Variants in DCDC2C observed in about 807,000 individuals in gnomAD.
DCDC2C encodes doublecortin domain containing 2C, also known as doublecortin domain-containing protein 2C.
Under a neutral mutation model 45.0 loss-of-function variants are expected in DCDC2C, and 44 were observed. That is an observed-to-expected ratio of 0.98 (90% CI 0.77 to 1.26). DCDC2C has a LOEUF of 1.26. DCDC2C is among the 50% of genes most tolerant of loss of function. The pLI is 0.00. For missense variants in DCDC2C, 447 were observed against 468.9 expected (o/e 0.95, Z 0.43); for synonymous variants, 187 against 178.8 (o/e 1.05, Z -0.37).
rs115362387 is a variant in DCDC2C, at chr2:3,807,097, C to T, written c.1065+21997C>T. Among the ~76,000 whole-genome samples, 1,051 of 147,974 alleles carry T rather than the reference C, an allele frequency of 7.1e-3. 8 individuals are homozygous for T. The highest frequency in any genetic ancestry group is 0.025 in the African/African-American group (994 of 39,816). ...TTCAGAAAGCTATTTTTTTTTTTAA[C>T]AGCATGAGGATATAATTTACATCTG... On this transcript the variant is annotated intron_variant, in intron 10 of 10. Coordinates refer to ENST00000399143, the MANE Select transcript of DCDC2C (RefSeq NM_001287444.2).
chr2:3,840,242 T>A lies in DCDC2C; in HGVS notation c.1066-6912T>A, dbSNP rs973262048. Reference sequence around the variant, plus strand: ...GTAAGCCGAGCTGGTTTACATTTGCTGGTTGTTTTGCAGAGAACACCCAGC... The same window carrying A: ...GTAAGCCGAGCTGGTTTACATTTGCAGGTTGTTTTGCAGAGAACACCCAGC... On this transcript the variant is annotated intron_variant, in intron 10 of 10. Transcript: ENST00000399143. Among the ~76,000 whole-genome samples, 4 of 152,248 alleles carry A rather than the reference T, an allele frequency of 2.6e-5. No homozygotes were observed. The South Asian group carries it at 8.3e-4, about 31-fold the overall frequency.
chr2:3,710,032 TA>T (rs1668165405), intron 2 of DCDC2C, among the ~76,000 whole-genome samples: 1 of 152,158 alleles, frequency 6.6e-6, no homozygotes, highest in Non-Finnish European at 1.5e-5. Context: ...CAAAAGAGTT[TA>T]AAAAATTTTT....
chr2:3,706,422 A>G (rs1327292975), intron 1 of DCDC2C, among the ~76,000 whole-genome samples: 1 of 152,208 alleles, frequency 6.6e-6, no homozygotes, highest in Non-Finnish European at 1.5e-5. Context: ...AAATATTATA[A>G]GATAATAATT....
At position 3,734,847 on chromosome 2, in the gene DCDC2C, G is replaced by A. The variant is rs1668974762; in HGVS notation, c.417-7073G>A. On this transcript the variant is annotated intron_variant, in intron 3 of 10. Transcript: ENST00000399143. This position sits in a 1 kb window ranked among gnomAD's most constrained non-coding sequence, Gnocchi z 4.2. Reference sequence around the variant, plus strand: ...GGGAGTAATTGGGAAGTTCAAGGTGGGGGTGAAAGTACAGAGCCCTTCAGG... The same window carrying A: ...GGGAGTAATTGGGAAGTTCAAGGTGAGGGTGAAAGTACAGAGCCCTTCAGG... Among the ~76,000 whole-genome samples, 1 of 152,146 alleles carries A rather than the reference G, an allele frequency of 6.6e-6. No individual in the cohort carries two copies. The highest frequency in any genetic ancestry group is 2.4e-5 in the African/African-American group (1 of 41,420).
intron 8 of DCDC2C, among the ~76,000 whole-genome samples, chr2:3,772,783 C>T (rs1233908027): frequency 6.6e-6 from 1 of 152,214 alleles, no homozygotes; most frequent in African/African-American, 2.4e-5. Flanking sequence ...GCTTCTGTCA[C>T]CTGGGTCTCT....
intron 3 of DCDC2C, among the ~76,000 whole-genome samples, chr2:3,733,921 C>T (rs776866739): frequency 1.3e-5 from 2 of 152,194 alleles, no homozygotes; most frequent in African/African-American, 4.8e-5. Flanking sequence ...CTAGAAACCA[C>T]GTGGGTTCCT....
chr2:3,767,056 C>T (rs1050275883), intron 6 of DCDC2C, among the ~76,000 whole-genome samples: 3 of 152,214 alleles, frequency 2.0e-5, no homozygotes, highest in Admixed American at 2.0e-4. Context: ...GTAAGTGTTG[C>T]GAGCGTGTTT....
chr2:3,796,961 T>C (rs1184986710), intron 10 of DCDC2C, among the ~76,000 whole-genome samples: 1 of 152,244 alleles, frequency 6.6e-6, no homozygotes, highest in Non-Finnish European at 1.5e-5. Context: ...TTCCTCCTTG[T>C]ACCTCTGGTA....
At chr2:3,802,678 AG>A (rs1358463676) in intron 10 of DCDC2C, among the ~76,000 whole-genome samples, 1 of 152,168 alleles carries the variant, frequency 6.6e-6, no homozygotes, top group Non-Finnish European at 1.5e-5. Flanking sequence ...CTCTTCTAGA[AG>A]GGGCTGATCA....
intron 10 of DCDC2C, among the ~76,000 whole-genome samples, chr2:3,835,448 G>C (rs1366639713): frequency 6.6e-6 from 1 of 152,218 alleles, no homozygotes; most frequent in Non-Finnish European, 1.5e-5. Flanking sequence ...CAGGGCATTT[G>C]TGTGAAATAA....
Position 3,703,856 on chromosome 2 carries a change from G to T in DCDC2C, c.105G>T (p.Leu35=). The T allele has an allele frequency of 7.8e-7, 1 of 1,287,410 alleles. No homozygotes were observed. The allele number at this position is 1,287,410 out of a possible 1,614,324, so 79.7% of individuals were successfully genotyped here. ...TCTACGTGGGCAAGAAGTTCGTGCT[G>T]TCGCGGCGCCGCGCGGCCACCTTCG... ...DPFYVGKKFV[L]SRRRAATFEA... The change falls in exon 1 of 11, where the codon CTG becomes CTT. Residue 35 remains leucine, a synonymous_variant. Transcript: ENST00000399143. The surrounding 1 kb of genome is among the most constrained non-coding windows in gnomAD (Gnocchi z 4.4).
chr2:3,706,945 G>A (rs751151509), intron 1 of DCDC2C, among the ~76,000 whole-genome samples: 17 of 152,180 alleles, frequency 1.1e-4, no homozygotes, highest in Non-Finnish European at 2.1e-4. Context: ...TCCACTCTGC[G>A]GTACGGTTGG....
At chr2:3,811,760 A>G (rs1306964700) in intron 10 of DCDC2C, among the ~76,000 whole-genome samples, 1 of 152,130 alleles carries the variant, frequency 6.6e-6, no homozygotes, top group Non-Finnish European at 1.5e-5. Context: ...CTCCATCAAT[A>G]CCTTGTTTAT....
At chr2:3,819,265 A>G (rs1158448453) in intron 10 of DCDC2C, among the ~76,000 whole-genome samples, 3 of 152,204 alleles carry the variant, frequency 2.0e-5, no homozygotes, top group African/African-American at 7.2e-5. Context: ...TGGACAGTCC[A>G]GTTTCCAGTG....
intron 10 of DCDC2C, among the ~76,000 whole-genome samples, chr2:3,810,960 C>T (rs973838548): frequency 6.6e-6 from 1 of 152,134 alleles, no homozygotes; most frequent in South Asian, 2.1e-4. Context: ...GGTACCAGTA[C>T]CACACTGTTT....
intron 2 of DCDC2C, among the ~76,000 whole-genome samples, chr2:3,719,437 TG>T (rs1255266948): frequency 5.9e-5 from 9 of 152,236 alleles, no homozygotes; most frequent in Non-Finnish European, 8.8e-5. Flanking sequence ...AGCCTCTGGC[TG>T]TCCACATTGG....
At chr2:3,754,935 G>A (rs913530068) in intron 6 of DCDC2C, among the ~76,000 whole-genome samples, 3 of 152,242 alleles carry the variant, frequency 2.0e-5, no homozygotes, top group African/African-American at 4.8e-5. Flanking sequence ...TTACGGGACA[G>A]GGAGGAGAGT....
intron 10 of DCDC2C, among the ~76,000 whole-genome samples, chr2:3,825,721 G>A (rs1350214939): frequency 1.3e-5 from 2 of 152,136 alleles, no homozygotes; most frequent in African/African-American, 2.4e-5. Flanking sequence ...AGACAGTGGG[G>A]ATCCTGGGGG....
At chr2:3,792,198 C>T in intron 10 of DCDC2C, among the ~76,000 whole-genome samples, 1 of 152,178 alleles carries the variant, frequency 6.6e-6, no homozygotes, top group East Asian at 1.9e-4. Context: ...GTTCATAGAA[C>T]TTGATGCCTG....
Sources: allele counts gnomAD v4.1 joint callset (sites outside exome capture counted in the v4.1 genomes callset), GRCh38; gene constraint gnomAD v4.1.1; non-coding constraint Gnocchi (gnomAD v3.1); transcripts MANE v1.5; gene names NCBI Gene and HGNC (gene_info 2026-07-23, HGNC 2026-07-21).